The following ITPR1 variants were observed in gnomAD, a reference collection of about 807,000 sequenced individuals.
ITPR1 encodes the protein inositol 1,4,5-trisphosphate-gated calcium channel ITPR1.
In ITPR1, 96 loss-of-function variants were observed where a neutral mutation model predicts 318.4. The observed-to-expected ratio is 0.30, with a 90% confidence interval of 0.26 to 0.36. ITPR1 has a LOEUF of 0.36. ITPR1 is among the 10% of genes least tolerant of loss of function. The probability of loss-of-function intolerance (pLI) is 1.00; values close to 1 mark genes in which losing one functional copy is unlikely to be tolerated. For synonymous variants in ITPR1, 1,312 were observed against 1,289.9 expected (o/e 1.02, Z -0.37); for missense variants, 2,440 against 3,460.2 (o/e 0.71, Z 7.40).
intron 4 of ITPR1, among the ~76,000 whole-genome samples, chr3:4,584,723 T>A (rs1380780354): frequency 6.6e-6 from 1 of 152,114 alleles, no homozygotes; most frequent in Non-Finnish European, 1.5e-5. Context: ...GGTGGAGGCT[T>A]TTTTTGTCTT....
intron 52 of ITPR1, among the ~76,000 whole-genome samples, chr3:4,789,689 G>A (rs969659781): frequency 1.3e-5 from 2 of 152,064 alleles, no homozygotes; most frequent in African/African-American, 2.4e-5. Context: ...GCGCGATCTC[G>A]GGTCACTGCA....
At chr3:4,670,023 A>G (rs986799434) in intron 19 of ITPR1, among the ~76,000 whole-genome samples, 2 of 152,196 alleles carry the variant, frequency 1.3e-5, no homozygotes, top group African/African-American at 4.8e-5. Flanking sequence ...ACCGGGGAGC[A>G]TTTTATACAG....
chr3:4,565,803 G>A (rs2087182447), intron 4 of ITPR1, among the ~76,000 whole-genome samples: 1 of 152,236 alleles, frequency 6.6e-6, no homozygotes, highest in South Asian at 2.1e-4. Flanking sequence ...TAAATTGAGT[G>A]CAACTTCAGA....
At chr3:4,768,859 A>G (rs2045991440) in intron 46 of ITPR1, 95 bp downstream of exon 46, 1 of 1,208,038 alleles carries the variant, frequency 8.3e-7, no homozygotes, top group Non-Finnish European at 1.2e-6. Flanking sequence ...CTTGGGCCAG[A>G]TTGCTTGAGC....
At chr3:4,768,888 C>CT (rs1227972465) in intron 46 of ITPR1, 124 bp downstream of exon 46, 44 of 809,762 alleles carry the variant, frequency 5.4e-5, no homozygotes, top group Middle Eastern at 3.0e-4. Flanking sequence ...CAGCAAGGTT[C>CT]TTTTTTTTCC....
At chr3:4,743,234 C>T (rs1339428532) in intron 44 of ITPR1, among the ~76,000 whole-genome samples, 14 of 152,252 alleles carry the variant, frequency 9.2e-5, no homozygotes, top group Admixed American at 9.2e-4. Context: ...CACCCTTCTT[C>T]ACCATTCCCA....
At chr3:4,527,753 C>G (rs532586333) in intron 4 of ITPR1, among the ~76,000 whole-genome samples, 33 of 152,276 alleles carry the variant, frequency 2.2e-4, no homozygotes, top group South Asian at 1.2e-3. Context: ...GCTCTTGGAC[C>G]TAAAGCATGG....
chr3:4,814,596 GGGGC>G, intron 58 of ITPR1, 34 bp downstream of exon 58: 3 of 1,249,432 alleles, frequency 2.4e-6, no homozygotes, highest in African/African-American at 3.0e-5. Flanking sequence ...AAGGGCAAAG[GGGGC>G]GGGTGGGGTG....
chr3:4,744,741 T>C (rs1383208752), intron 44 of ITPR1, among the ~76,000 whole-genome samples: 1 of 152,230 alleles, frequency 6.6e-6, no homozygotes, highest in African/African-American at 2.4e-5. Flanking sequence ...TCTGTGCTCC[T>C]CATCCCCTGG....
At chr3:4,714,000 C>T (rs1027586512) in intron 39 of ITPR1, among the ~76,000 whole-genome samples, 2 of 152,130 alleles carry the variant, frequency 1.3e-5, no homozygotes, top group Non-Finnish European at 2.9e-5. Context: ...TGCTACTTAG[C>T]CATTCCTATT....
chr3:4,603,576 C>G, intron 4 of ITPR1, among the ~76,000 whole-genome samples: 1 of 152,078 alleles, frequency 6.6e-6, no homozygotes, highest in East Asian at 1.9e-4. Flanking sequence ...ACTACAGGGG[C>G]GCGCCACCAC....
intron 60 of ITPR1, among the ~76,000 whole-genome samples, chr3:4,823,819 T>C (rs2049881787): frequency 6.6e-6 from 1 of 152,212 alleles, no homozygotes; most frequent in Admixed American, 6.5e-5. Context: ...ATACCTTGAC[T>C]GGATCACTAG....
At chr3:4,748,087 G>C (rs1324517001) in intron 44 of ITPR1, among the ~76,000 whole-genome samples, 1 of 152,186 alleles carries the variant, frequency 6.6e-6, no homozygotes, top group Non-Finnish European at 1.5e-5. Context: ...TACTCTATCT[G>C]GGCTACATGG....
At position 4,652,188 on chromosome 3, in the gene ITPR1, T is replaced by G; in HGVS notation, c.921T>G (p.His307Gln). Residue 307 changes from histidine to glutamine, a missense_variant, in exon 11 of 62, where the codon CAT (histidine) becomes CAG (glutamine). His to Gln is a conservative substitution (Grantham distance 24). Transcript: ENST00000649015. The part of the protein sequence containing the change: ...GYWNSLFRFK[H>Q]LATGHYLAAE... ...GGAACAGCCTTTTCCGTTTCAAGCA[T>G]CTGGCCACGGGGCATTACTTGGCAG... 13 of 1,612,842 alleles carry G rather than the reference T, an allele frequency of 8.1e-6. No homozygotes were observed. Among genetic ancestry groups the G allele is most frequent in the Non-Finnish European group, 1.1e-5 (13 of 1,179,488 alleles).
intron 8 of ITPR1, 150 bp from the exon 9 acceptor site, chr3:4,645,237 G>T: frequency 3.0e-6 from 2 of 659,896 alleles, no homozygotes; most frequent in Non-Finnish European, 5.6e-6. Context: ...AGTTGATTTT[G>T]CAGGTGCTGT....
chr3:4,550,075 C>G (rs116567926), intron 4 of ITPR1, among the ~76,000 whole-genome samples: 2,741 of 151,972 alleles, frequency 0.018, 79 homozygotes, highest in African/African-American at 0.062. Flanking sequence ...TGCTTTCAGT[C>G]TCTTTCTCTA....
chr3:4,579,188 C>T (rs1279650572), intron 4 of ITPR1, among the ~76,000 whole-genome samples: 1 of 150,230 alleles, frequency 6.7e-6, no homozygotes, highest in East Asian at 1.9e-4. Context: ...GCTGCAATTT[C>T]TTCTTCTAAA....
chr3:4,814,210 T>C (rs1240265777), intron 57 of ITPR1: 1 of 577,332 alleles, frequency 1.7e-6, no homozygotes, highest in Non-Finnish European at 3.1e-6. Flanking sequence ...AATACTACCA[T>C]AGCTGGAGAA....
At chr3:4,620,237 T>C (rs2092574584) in intron 4 of ITPR1, among the ~76,000 whole-genome samples, 1 of 152,214 alleles carries the variant, frequency 6.6e-6, no homozygotes, top group Admixed American at 6.5e-5. Context: ...ACTTTACTTC[T>C]ATTTCTCCTC....
Sources: gnomAD v4.1 joint callset for allele counts (sites outside exome capture counted in the v4.1 genomes callset) on GRCh38, gnomAD v4.1.1 for gene constraint, MANE v1.5 for transcripts, NCBI Gene and HGNC (gene_info 2026-07-23, HGNC 2026-07-21) for gene names.